The following BTBD10 variants were observed in gnomAD, a reference collection of about 807,000 sequenced individuals.
The protein encoded by BTBD10 is BTB domain containing 10, also known as BTB/POZ domain-containing protein 10.
BTBD10 carries 21 observed loss-of-function variants against 53.2 expected under a neutral mutation model. That is an observed-to-expected ratio of 0.39 (90% CI 0.28 to 0.57). BTBD10 has a LOEUF of 0.57. BTBD10 is among the 20% of genes least tolerant of loss of function. BTBD10 has a pLI of 0.53. For synonymous variants in BTBD10, 149 were observed against 192.7 expected (o/e 0.77, Z 1.88); for missense variants, 360 against 594.7 (o/e 0.61, Z 4.10).
intron 1 of BTBD10, among the ~76,000 whole-genome samples, chr11:13,458,135 C>CA (rs35036994): frequency 0.043 from 2,684 of 61,848 alleles, 73 homozygotes; most frequent in Non-Finnish European, 0.055. Flanking sequence ...GACTCCATCT[C>CA]AAAAAAAAAA....
chr11:13,410,501 G>A (rs370177657), intron 6 of BTBD10, among the ~76,000 whole-genome samples: 1 of 152,132 alleles, frequency 6.6e-6, no homozygotes, highest in East Asian at 1.9e-4. Context: ...CTCTCAAAGT[G>A]CTGGGAATAT....
chr11:13,421,263 T>G (rs1950237121), intron 3 of BTBD10, among the ~76,000 whole-genome samples: 1 of 152,218 alleles, frequency 6.6e-6, no homozygotes, highest in African/African-American at 2.4e-5. Flanking sequence ...ACATGATGGC[T>G]ATTCTACCTT....
intron 8 of BTBD10, among the ~76,000 whole-genome samples, chr11:13,397,128 C>G (rs2135745657): frequency 6.6e-6 from 1 of 152,324 alleles, no homozygotes; most frequent in East Asian, 1.9e-4. Flanking sequence ...ACCAGCTCCT[C>G]CTTGTACCTC....
At chr11:13,437,649 G>A (rs1385810514) in intron 2 of BTBD10, among the ~76,000 whole-genome samples, 3 of 152,236 alleles carry the variant, frequency 2.0e-5, no homozygotes, top group South Asian at 2.1e-4. Context: ...ATATTATAGC[G>A]TTGCTAGTCT....
At chr11:13,459,131 A>G (rs1052405094) in intron 1 of BTBD10, among the ~76,000 whole-genome samples, 1 of 146,328 alleles carries the variant, frequency 6.8e-6, no homozygotes, top group Non-Finnish European at 1.5e-5. Context: ...ATCTCGGCTC[A>G]CTGCAAGCTC....
chr11:13,400,590 C>A (rs1949692496), intron 8 of BTBD10, among the ~76,000 whole-genome samples: 3 of 152,356 alleles, frequency 2.0e-5, no homozygotes, highest in South Asian at 4.1e-4. Flanking sequence ...GTGAGATGAA[C>A]CTGGTACCTC....
Position 13,419,674 on chromosome 11 carries a change from T to C in BTBD10, c.370A>G (p.Ile124Val), listed in dbSNP as rs768208680. ...RPQKASPNGS[I>V]SSAGNSSRNS... ...CTGCTGCTGTTCCCAGCACTGCTAA[T>C]GGAACCATTTGGGGATGCTTTTTGA... Residue 124 changes from isoleucine to valine, a missense_variant, in exon 4 of 9, where the codon ATT (isoleucine) becomes GTT (valine). Ile to Val is a conservative substitution (Grantham distance 29). Coordinates refer to ENST00000278174, the MANE Select transcript of BTBD10 (RefSeq NM_032320.7). 21 of 1,613,914 alleles carry C rather than the reference T, an allele frequency of 1.3e-5. No individual in the cohort carries two copies. In the Admixed American group the frequency reaches 3.0e-4, roughly 23 times the overall value.
Position 13,413,515 on chromosome 11 carries a change from A to C in BTBD10, c.808+15T>G. On this transcript the variant is annotated intron_variant, in intron 6 of 8. Coordinates refer to ENST00000278174, the MANE Select transcript of BTBD10 (RefSeq NM_032320.7). ...TAATTCTACAAACCACTTACACACA[A>C]AACATCATACTTACTGAGATCTCTA... 1.3e-6 allele frequency: 2 copies of C among 1,593,370 alleles called. No individual in the cohort carries two copies. Among genetic ancestry groups the C allele is most frequent in the Non-Finnish European group, 1.7e-6 (2 of 1,170,874 alleles).
intron 8 of BTBD10, among the ~76,000 whole-genome samples, chr11:13,398,012 T>C (rs1949601808): frequency 6.6e-6 from 1 of 152,236 alleles, no homozygotes; most frequent in African/African-American, 2.4e-5. Context: ...AAAGAATGTA[T>C]ATTCTGTTGA....
At chr11:13,425,561 C>T (rs1950319306) in intron 2 of BTBD10, among the ~76,000 whole-genome samples, 1 of 151,808 alleles carries the variant, frequency 6.6e-6, no homozygotes, top group African/African-American at 2.4e-5. Context: ...TAACCACAGC[C>T]CTCCAAAAAG....
chr11:13,421,323 C>A (rs1244749585), intron 3 of BTBD10, among the ~76,000 whole-genome samples: 1 of 152,166 alleles, frequency 6.6e-6, no homozygotes, highest in African/African-American at 2.4e-5. Context: ...CAATAATTTA[C>A]TACAAACTAT....
chr11:13,388,604 C>T lies in BTBD10; in HGVS notation c.*227G>A. On this transcript the variant is annotated 3_prime_UTR_variant, in exon 9 of 9. Transcript: ENST00000278174. ...ACAAAGAACCAATTTCACAAACCTA[C>T]TGGTAAACAAATACATTTACAACTG... 2.2e-6 allele frequency: 1 copy of T among 453,094 alleles called. No homozygotes were observed. Among genetic ancestry groups the T allele is most frequent in the Non-Finnish European group, 3.9e-6 (1 of 256,028 alleles). 28.1% of individuals were successfully genotyped at this position (453,094 alleles called of 1,614,324 possible).
At position 13,452,531 on chromosome 11, in the gene BTBD10, A is replaced by C. The variant is rs142769965; in HGVS notation, c.-57-7350T>G. On this transcript the variant is annotated intron_variant, in intron 1 of 8. Coordinates refer to ENST00000278174, the MANE Select transcript of BTBD10 (RefSeq NM_032320.7). ...TCAAATATATCAGCAAGGCATAATG[A>C]AACCACTTTTTGATCAAAAACCCCA... Among the ~76,000 whole-genome samples, 493 of 152,326 alleles carry C rather than the reference A, an allele frequency of 3.2e-3. 4 individuals are homozygous for C. Among genetic ancestry groups the C allele is most frequent in the African/African-American group, 0.011 (451 of 41,570 alleles).
chr11:13,404,361 A>C (rs1949772958), intron 7 of BTBD10, among the ~76,000 whole-genome samples: 1 of 152,184 alleles, frequency 6.6e-6, no homozygotes, highest in African/African-American at 2.4e-5. Flanking sequence ...ATAAAAAACA[A>C]GAAAACAAAA....
intron 2 of BTBD10, among the ~76,000 whole-genome samples, chr11:13,443,656 CTA>C (rs932939327): frequency 3.8e-4 from 57 of 151,776 alleles, no homozygotes; most frequent in African/African-American, 1.4e-3. Flanking sequence ...ATGCAGTGGC[CTA>C]CTGTAACCTC....
At chr11:13,414,252 C>T (rs1950037388) in intron 5 of BTBD10, among the ~76,000 whole-genome samples, 1 of 152,114 alleles carries the variant, frequency 6.6e-6, no homozygotes, top group South Asian at 2.1e-4. Flanking sequence ...TGTTAAAGGA[C>T]AACCCCAGAA....
chr11:13,411,011 A>C (rs1949930461), intron 6 of BTBD10, among the ~76,000 whole-genome samples: 3 of 152,244 alleles, frequency 2.0e-5, no homozygotes, highest in Admixed American at 2.0e-4. Context: ...AATAGACATA[A>C]GTCAGATTTG....
chr11:13,427,861 T>C (rs1337547817), intron 2 of BTBD10, among the ~76,000 whole-genome samples: 2 of 152,098 alleles, frequency 1.3e-5, no homozygotes, highest in Non-Finnish European at 2.9e-5. Context: ...AAATAATATC[T>C]TTACCTAAAC....
intron 8 of BTBD10, among the ~76,000 whole-genome samples, chr11:13,396,039 T>A (rs1024906024): frequency 6.6e-6 from 1 of 151,366 alleles, no homozygotes; most frequent in African/African-American, 2.4e-5. Context: ...TTTGGTTCCA[T>A]ATGAACTTTA....
Sources: gnomAD v4.1 joint callset for allele counts (sites outside exome capture counted in the v4.1 genomes callset) on GRCh38, gnomAD v4.1.1 for gene constraint, MANE v1.5 for transcripts, NCBI Gene and HGNC (gene_info 2026-07-23, HGNC 2026-07-21) for gene names.